DOCK8: variants seen among roughly 807,000 people sequenced by gnomAD.
The protein encoded by DOCK8 is dedicator of cytokinesis 8.
DOCK8 carries 141 observed loss-of-function variants against 245.6 expected under a neutral mutation model. The observed-to-expected ratio is 0.57, with a 90% CI of 0.50 to 0.66. The LOEUF is 0.66. DOCK8 is among the 30% of genes least tolerant of loss of function. DOCK8 has a pLI of 0.00. For synonymous variants in DOCK8, 1,168 were observed against 970.2 expected (o/e 1.20, Z -3.79); for missense variants, 2,965 against 2,603.4 (o/e 1.14, Z -3.02).
intron 1 of DOCK8, among the ~76,000 whole-genome samples, chr9:268,810 G>C (rs902343096): frequency 3.3e-5 from 5 of 152,228 alleles, no homozygotes; most frequent in Non-Finnish European, 7.3e-5. Flanking sequence ...AATGATTGCA[G>C]TGTTGGTTTG....
At chr9:412,404 CA>C (rs59340573) in intron 28 of DOCK8, among the ~76,000 whole-genome samples, 20,110 of 100,546 alleles carry the variant, frequency 0.2, 1,196 homozygotes, top group African/African-American at 0.24. Context: ...GACCCTGTCT[CA>C]AAAAAAAAAA....
At position 275,841 on chromosome 9, in the gene DOCK8, G is replaced by A. The variant is rs369998528; in HGVS notation, c.156+4112G>A. ...TGACCTCAAGTGATCCACCCACCTC[G>A]GCCTCCCAAAGTGCTGGGATTACAG... On this transcript the variant is annotated intron_variant, in intron 2 of 47. Transcript: ENST00000432829. Among the ~76,000 whole-genome samples the A allele has an allele frequency of 6.4e-4, 97 of 150,718 alleles. 1 individual carries two copies. Among genetic ancestry groups the A allele is most frequent in the African/African-American group, 2.3e-3 (93 of 40,898 alleles).
At chr9:324,025 A>G (rs1042567648) in intron 7 of DOCK8, among the ~76,000 whole-genome samples, 1 of 152,226 alleles carries the variant, frequency 6.6e-6, no homozygotes, top group Non-Finnish European at 1.5e-5. Flanking sequence ...CCTCACAACA[A>G]CCAGGAAAAT....
intron 1 of DOCK8, among the ~76,000 whole-genome samples, chr9:263,975 G>A (rs770701807): frequency 3.3e-5 from 5 of 152,122 alleles, no homozygotes; most frequent in Non-Finnish European, 5.9e-5. Flanking sequence ...ATGAAGCTGC[G>A]TCTGGTATTT....
At chr9:306,789 T>A (rs1183603223) in intron 5 of DOCK8, among the ~76,000 whole-genome samples, 1 of 152,166 alleles carries the variant, frequency 6.6e-6, no homozygotes, top group Non-Finnish European at 1.5e-5. Context: ...GGACCACAAT[T>A]TGAGGACTGC....
rs1748980008 is a variant in DOCK8 at position 300,701 on chromosome 9, G to A, written c.405-3880G>A. 2.0e-5 allele frequency among the ~76,000 whole-genome samples: 3 copies of A among 152,068 alleles called. No homozygotes were observed. In the South Asian group the frequency reaches 6.2e-4, roughly 31 times the overall value. On this transcript the variant is annotated intron_variant, in intron 4 of 47. Transcript: ENST00000432829. ...GCCTCAGAAATATAAAAAATCCTCA[G>A]AGACTGTTATAAATACCCCTATGCA...
intron 1 of DOCK8, among the ~76,000 whole-genome samples, chr9:264,611 A>G (rs1056157902): frequency 6.6e-6 from 1 of 152,230 alleles, no homozygotes; most frequent in African/African-American, 2.4e-5. Flanking sequence ...ATGTATGCAT[A>G]TATGTATATG....
intron 1 of DOCK8, among the ~76,000 whole-genome samples, chr9:262,955 C>T (rs12337114): frequency 0.012 from 1,814 of 152,116 alleles, 38 homozygotes; most frequent in African/African-American, 0.042. Context: ...GCCTGTAATC[C>T]CAGCACTTTG....
intron 46 of DOCK8, 148 bp downstream of exon 46, chr9:452,265 G>A (rs1226903659): frequency 1.3e-5 from 8 of 637,524 alleles, no homozygotes; most frequent in Non-Finnish European, 2.3e-5. Flanking sequence ...ATCTCTGGAG[G>A]TGTGGCTCAG....
At chr9:349,834 A>G (rs2052072276) in intron 14 of DOCK8, among the ~76,000 whole-genome samples, 1 of 152,174 alleles carries the variant, frequency 6.6e-6, no homozygotes, top group Non-Finnish European at 1.5e-5. Context: ...ACACTCAGAA[A>G]CCTTAGAATT....
chr9:362,239 G>A (rs1341297808), intron 14 of DOCK8, among the ~76,000 whole-genome samples: 1 of 152,184 alleles, frequency 6.6e-6, no homozygotes, highest in Non-Finnish European at 1.5e-5. Flanking sequence ...CGATGCATAC[G>A]CATTCTCATT....
At chr9:243,379 T>A (rs1364306133) in intron 1 of DOCK8, among the ~76,000 whole-genome samples, 2 of 152,180 alleles carry the variant, frequency 1.3e-5, no homozygotes, top group Admixed American at 6.5e-5. Flanking sequence ...GTTTTCCTGA[T>A]CTGGGAAGAC....
intron 8 of DOCK8, among the ~76,000 whole-genome samples, chr9:326,437 C>T (rs1026087551): frequency 2.0e-5 from 3 of 152,180 alleles, no homozygotes; most frequent in Non-Finnish European, 2.9e-5. Context: ...CAAACTTGAG[C>T]ATGCATCACA....
rs190299076 is a variant in DOCK8, at chr9:420,055, C to A, written c.3841-346C>A. The A allele has an allele frequency of 7.0e-4, 250 of 357,748 alleles. 3 individuals are homozygous for A. Among genetic ancestry groups the A allele is most frequent in the South Asian group, 6.0e-3 (220 of 36,546 alleles). 22.2% of individuals were successfully genotyped at this position (357,748 alleles called of 1,614,324 possible). A position where few individuals can be genotyped will look rare whatever the true frequency, so the allele number is the denominator to read the frequency against. On this transcript the variant is annotated intron_variant, in intron 30 of 47. Coordinates refer to ENST00000432829, the MANE Select transcript of DOCK8 (RefSeq NM_203447.4). Reference sequence around the variant, plus strand: ...CTTGGAGATCTTAGCAGCATGAAAGCCTCTTTGTATCACTGGGATTGCAGC... The same window carrying A: ...CTTGGAGATCTTAGCAGCATGAAAGACTCTTTGTATCACTGGGATTGCAGC...
At chr9:282,073 TTAA>T (rs1423409118) in intron 2 of DOCK8, among the ~76,000 whole-genome samples, 1 of 152,238 alleles carries the variant, frequency 6.6e-6, no homozygotes, top group Non-Finnish European at 1.5e-5. Flanking sequence ...CACACAGTGC[TTAA>T]TGATGATATA....
intron 9 of DOCK8, 107 bp from the exon 10 acceptor site, chr9:332,291 T>C: frequency 2.6e-6 from 2 of 766,592 alleles, no homozygotes; most frequent in Non-Finnish European, 4.6e-6. Context: ...ACAGATAGCT[T>C]CCTATGTCAT....
chr9:369,323 A>G (rs750871), intron 15 of DOCK8: 51,432 of 152,170 alleles, frequency 0.34, 10,622 homozygotes, highest in African/African-American at 0.58. Flanking sequence ...TCCTGTGGCA[A>G]CCAAGATGCC....
chr9:303,146 C>T (rs761154468), intron 4 of DOCK8, among the ~76,000 whole-genome samples: 18 of 150,682 alleles, frequency 1.2e-4, no homozygotes, highest in Non-Finnish European at 1.9e-4. Flanking sequence ...GGTAGCAGAA[C>T]GAGACCCTGT....
chr9:461,742 A>T (rs771735170), intron 46 of DOCK8, among the ~76,000 whole-genome samples: 1 of 151,540 alleles, frequency 6.6e-6, no homozygotes, highest in South Asian at 2.1e-4. Context: ...GGGTTTTGCC[A>T]TGTTGCCCAG....
Sources: allele counts gnomAD v4.1 joint callset (sites outside exome capture counted in the v4.1 genomes callset), GRCh38; gene constraint gnomAD v4.1.1; transcripts MANE v1.5; gene names NCBI Gene and HGNC (gene_info 2026-07-23, HGNC 2026-07-21).